The following CDKAL1 variants were observed in gnomAD, a reference collection of about 807,000 sequenced individuals.
CDKAL1 encodes threonylcarbamoyladenosine tRNA methylthiotransferase.
A neutral mutation model predicts 68.2 loss-of-function variants in CDKAL1; 32 were observed. That is an observed-to-expected ratio of 0.47 (90% CI 0.35 to 0.63). The LOEUF is 0.63. CDKAL1 is among the 30% of genes least tolerant of loss of function. The pLI is 0.00. For missense variants in CDKAL1, 606 were observed against 696.7 expected (o/e 0.87, Z 1.47); for synonymous variants, 234 against 244.3 (o/e 0.96, Z 0.39).
At chr6:20,947,063 G>A (rs981113999) in intron 9 of CDKAL1, among the ~76,000 whole-genome samples, 2 of 152,076 alleles carry the variant, frequency 1.3e-5, no homozygotes, top group African/African-American at 4.8e-5. Flanking sequence ...TACATAATAG[G>A]TGTTCAACAA....
chr6:21,155,290 G>C (rs1022964422), intron 13 of CDKAL1, among the ~76,000 whole-genome samples: 1 of 152,020 alleles, frequency 6.6e-6, no homozygotes, highest in East Asian at 1.9e-4. Flanking sequence ...TGTCATCAGC[G>C]TGTGTGAGGA....
At chr6:20,875,680 A>G (rs1156251913) in intron 9 of CDKAL1, among the ~76,000 whole-genome samples, 1 of 122,856 alleles carries the variant, frequency 8.1e-6, no homozygotes, top group Non-Finnish European at 1.7e-5. Context: ...TTCACTAATG[A>G]AAAAAAATAG....
intron 11 of CDKAL1, among the ~76,000 whole-genome samples, chr6:21,038,691 T>G (rs201313): frequency 0.1 from 15,382 of 152,154 alleles, 939 homozygotes; most frequent in Middle Eastern, 0.16. Context: ...TGATTTTTTT[T>G]GGGGCTCATC....
At chr6:21,109,428 A>G (rs550788596) in intron 13 of CDKAL1, among the ~76,000 whole-genome samples, 26 of 152,314 alleles carry the variant, frequency 1.7e-4, no homozygotes, top group African/African-American at 6.3e-4. Context: ...TTCAGGAGGG[A>G]AAAATTGTGC....
intron 9 of CDKAL1, among the ~76,000 whole-genome samples, chr6:20,890,017 G>A (rs976512732): frequency 1.3e-5 from 2 of 152,094 alleles, no homozygotes; most frequent in African/African-American, 4.8e-5. Flanking sequence ...GCCCCCCAAA[G>A]TGCTGAGATC....
chr6:20,716,637 T>C (rs1194813474), intron 5 of CDKAL1, among the ~76,000 whole-genome samples: 1 of 151,860 alleles, frequency 6.6e-6, no homozygotes, highest in Non-Finnish European at 1.5e-5. Context: ...TTATCTGAGA[T>C]GAGAAAGAAC....
chr6:20,568,979 T>A (rs1303089026), intron 4 of CDKAL1, among the ~76,000 whole-genome samples: 1 of 152,146 alleles, frequency 6.6e-6, no homozygotes, highest in African/African-American at 2.4e-5. Flanking sequence ...GGCCCTTTAT[T>A]CTTGTATTCA....
rs751637857 is a variant in CDKAL1 at position 20,588,579 on chromosome 6, C to A, written c.286+39874C>A. Reference sequence around the variant, plus strand: ...GTTTTCTTTCTATTTCAGGTTTTCCCTCTAGCACTCCTACGTTCGGTAGCT... The same window carrying A: ...GTTTTCTTTCTATTTCAGGTTTTCCATCTAGCACTCCTACGTTCGGTAGCT... On this transcript the variant is annotated intron_variant, in intron 4 of 15. Transcript: ENST00000274695. Among the ~76,000 whole-genome samples the A allele has an allele frequency of 1.2e-4, 18 of 152,200 alleles. 1 individual carries two copies. The highest frequency in any genetic ancestry group is 7.2e-4 in the Admixed American group (11 of 15,286).
Position 20,565,361 on chromosome 6 carries a change from A to G in CDKAL1, c.286+16656A>G, listed in dbSNP as rs567165406. The stretch of plus-strand genomic sequence containing the variant: ...ATATAATTTGTATGTTTCAGTTTTT[A>G]TTTCTCTCTGAAAATCACTTTTTAG... On this transcript the variant is annotated intron_variant, in intron 4 of 15. Transcript: ENST00000274695. 4.6e-4 allele frequency among the ~76,000 whole-genome samples: 70 copies of G among 152,168 alleles called. No homozygotes were observed. The South Asian group carries it at 0.014, about 30-fold the overall frequency.
intron 10 of CDKAL1, among the ~76,000 whole-genome samples, chr6:20,973,690 T>G (rs1182669775): frequency 2.0e-5 from 3 of 151,602 alleles, no homozygotes; most frequent in African/African-American, 7.3e-5. Context: ...CTGCAACCTC[T>G]GCCTCTCGGG....
intron 8 of CDKAL1, among the ~76,000 whole-genome samples, chr6:20,805,423 G>A (rs1242815791): frequency 1.3e-5 from 2 of 152,144 alleles, no homozygotes; most frequent in African/African-American, 4.8e-5. Context: ...GTATATCACT[G>A]TTTTTATTTT....
At chr6:20,662,899 A>G (rs1487089733) in intron 5 of CDKAL1, among the ~76,000 whole-genome samples, 1 of 152,166 alleles carries the variant, frequency 6.6e-6, no homozygotes, top group African/African-American at 2.4e-5. Context: ...AGAGGCTTAC[A>G]TGACTTAGGG....
intron 8 of CDKAL1, among the ~76,000 whole-genome samples, chr6:20,823,501 T>G (rs1198690876): frequency 6.6e-6 from 1 of 152,176 alleles, no homozygotes; most frequent in East Asian, 1.9e-4. Context: ...CTGCCTTTCC[T>G]GTTTTGAAAA....
At chr6:20,661,874 ATACT>A (rs1309120107) in intron 5 of CDKAL1, among the ~76,000 whole-genome samples, 2 of 152,222 alleles carry the variant, frequency 1.3e-5, no homozygotes, top group Non-Finnish European at 2.9e-5. Flanking sequence ...TAGCATTGAA[ATACT>A]TACATAATTA....
chr6:21,177,675 T>C (rs1347793829), intron 13 of CDKAL1, among the ~76,000 whole-genome samples: 1 of 151,988 alleles, frequency 6.6e-6, no homozygotes, highest in Non-Finnish European at 1.5e-5. Context: ...TTTTTTTTTT[T>C]TTTCAGTAGC....
At chr6:20,717,205 A>G (rs919476674) in intron 5 of CDKAL1, among the ~76,000 whole-genome samples, 3 of 152,038 alleles carry the variant, frequency 2.0e-5, no homozygotes, top group Admixed American at 6.6e-5. Context: ...GAGGTTTGCT[A>G]TAAAGGGAAG....
At chr6:20,676,188 AGTTT>A (rs1446140787) in intron 5 of CDKAL1, among the ~76,000 whole-genome samples, 3 of 151,374 alleles carry the variant, frequency 2.0e-5, no homozygotes, top group Non-Finnish European at 2.9e-5. Flanking sequence ...TAAGCTGTTT[AGTTT>A]ATTATTGAAA....
chr6:21,203,846 G>A (rs767142925), intron 15 of CDKAL1, among the ~76,000 whole-genome samples: 2 of 151,902 alleles, frequency 1.3e-5, no homozygotes, highest in Admixed American at 6.6e-5. Context: ...ACAGGCGTGC[G>A]CCACCACACC....
At chr6:20,538,409 A>T (rs6456355) in intron 2 of CDKAL1, among the ~76,000 whole-genome samples, 123,872 of 152,076 alleles carry the variant, frequency 0.81, 50,905 homozygotes, top group African/African-American at 0.92. Flanking sequence ...AGAGGATGCC[A>T]AGGTTCTGAT....
Sources: allele counts gnomAD v4.1 joint callset (sites outside exome capture counted in the v4.1 genomes callset), GRCh38; gene constraint gnomAD v4.1.1; transcripts MANE v1.5; gene names NCBI Gene and HGNC (gene_info 2026-07-23, HGNC 2026-07-21).